EMC7: variants seen among roughly 807,000 people sequenced by gnomAD.
EMC7 encodes the protein endoplasmic reticulum membrane protein complex subunit 7.
In EMC7, 4 loss-of-function variants were observed where a neutral mutation model predicts 24.4. The observed-to-expected ratio is 0.16, with a 90% CI of 0.08 to 0.38. The LOEUF is 0.38. Ranked by LOEUF, EMC7 falls within the 10% of genes least tolerant of loss-of-function variation. EMC7 has a pLI of 1.00. For synonymous variants in EMC7, 106 were observed against 112.0 expected (o/e 0.95, Z 0.34); for missense variants, 221 against 300.6 (o/e 0.74, Z 1.96).
At position 34,095,914 on chromosome 15, in the gene EMC7, T is replaced by C. The variant is rs761555162; in HGVS notation, c.337A>G (p.Thr113Ala). 1.9e-6 allele frequency: 3 copies of C among 1,607,954 alleles called. No homozygotes were observed. Among genetic ancestry groups the C allele is most frequent in the Non-Finnish European group, 2.6e-6 (3 of 1,175,622 alleles). Reference sequence around the variant, plus strand: ...CCTCACCTCATTTTTCCTTTCGAAGTGATATCCACTCGAACGGGATCAAAT... The same window carrying C: ...CCTCACCTCATTTTTCCTTTCGAAGCGATATCCACTCGAACGGGATCAAAT... The part of the protein sequence containing the change: ...YRFDPVRVDI[T>A]SKGKMRARYV... The change falls in exon 2 of 5, where the codon ACT (threonine) becomes GCT (alanine). Residue 113 changes from threonine to alanine, a missense_variant. This residue lies in a region of EMC7 where 156 missense variants were observed against 177.1 expected (regional missense o/e 0.88). Coordinates refer to ENST00000256545, the MANE Select transcript of EMC7 (RefSeq NM_020154.3).
chr15:34,093,268 C>A (rs898231438), intron 2 of EMC7, among the ~76,000 whole-genome samples: 1 of 151,896 alleles, frequency 6.6e-6, no homozygotes, highest in African/African-American at 2.4e-5. Context: ...TGAGACCCTG[C>A]CTCTATTAAA....
At position 34,084,121 on chromosome 15, in the gene EMC7, C is replaced by T; in HGVS notation, c.*213G>A. ...TAGGACACTGTAATTAATTCAGTGA[C>T]ATCAATATTGACCTCATACAGACAA... On this transcript the variant is annotated 3_prime_UTR_variant, in exon 5 of 5. Coordinates refer to ENST00000256545, the MANE Select transcript of EMC7 (RefSeq NM_020154.3). The T allele has an allele frequency of 2.1e-6, 1 of 478,712 alleles. No homozygotes were observed. Among genetic ancestry groups the T allele is most frequent in the South Asian group, 4.5e-5 (1 of 22,144 alleles). 29.7% of individuals were successfully genotyped at this position (478,712 alleles called of 1,614,324 possible). A position where few individuals can be genotyped will look rare whatever the true frequency, so the allele number is the denominator to read the frequency against.
chr15:34,096,012 G>A lies in EMC7; in HGVS notation c.239C>T (p.Thr80Ile), dbSNP rs1329007962. Residue 80 changes from threonine (T) to isoleucine (I), a missense_variant and splice_region_variant, in exon 2 of 5, where the codon ACA (threonine) becomes ATA (isoleucine). Around this residue, in one of 2 missense-constraint regions of EMC7, gnomAD observed 156 missense variants for 177.1 expected, o/e 0.88. Coordinates refer to ENST00000256545, the MANE Select transcript of EMC7 (RefSeq NM_020154.3). ...ATCATGAACCACAAAACTCCCATCT[G>A]TCCTGGAAAAATGAAAATCATGTTT... ...DGEEHVGFLK[T>I]DGSFVVHDIP... is the part of the protein sequence containing the mutation. The A allele has an allele frequency of 1.3e-6, 2 of 1,552,018 alleles. No individual in the cohort carries two copies. Among genetic ancestry groups the A allele is most frequent in the African/African-American group, 1.4e-5 (1 of 74,052 alleles).
At chr15:34,094,077 T>C (rs181299446) in intron 2 of EMC7, among the ~76,000 whole-genome samples, 1 of 151,830 alleles carries the variant, frequency 6.6e-6, no homozygotes, top group Admixed American at 6.6e-5. Flanking sequence ...AATATATTAG[T>C]GGCATTAGAG....
At chr15:34,085,505 T>TA (rs1458381766) in intron 4 of EMC7, among the ~76,000 whole-genome samples, 1 of 152,052 alleles carries the variant, frequency 6.6e-6, no homozygotes, top group African/African-American at 2.4e-5. Flanking sequence ...TTTCTTTTTT[T>TA]TTTTAGGAGA....
chr15:34,089,674 T>TTATTA (rs1900948201), intron 3 of EMC7, among the ~76,000 whole-genome samples: 1 of 152,156 alleles, frequency 6.6e-6, no homozygotes, highest in South Asian at 2.1e-4. Flanking sequence ...GCAGGCAGTA[T>TTATTA]GGCTGGGTGC....
At chr15:34,093,611 T>C (rs188993230) in intron 2 of EMC7, among the ~76,000 whole-genome samples, 1 of 150,854 alleles carries the variant, frequency 6.6e-6, no homozygotes, top group African/African-American at 2.4e-5. Flanking sequence ...CCGTCCAATA[T>C]TGTGTTTTCA....
chr15:34,088,201 T>C, intron 3 of EMC7, 68 bp from the exon 4 acceptor site: 4 of 1,297,330 alleles, frequency 3.1e-6, no homozygotes, highest in Non-Finnish European at 4.3e-6. Flanking sequence ...AAAACTGCAC[T>C]TAACAACCAA....
At chr15:34,097,954 T>C (rs1047187613) in intron 1 of EMC7, among the ~76,000 whole-genome samples, 1 of 138,904 alleles carries the variant, frequency 7.2e-6, no homozygotes, top group East Asian at 2.0e-4. Context: ...GGGTGACAGA[T>C]CGAGACTCCG....
intron 2 of EMC7, 73 bp from the exon 3 acceptor site, chr15:34,090,528 T>G: frequency 6.9e-7 from 1 of 1,457,414 alleles, no homozygotes; most frequent in Non-Finnish European, 9.3e-7. Context: ...CTGCTTATAT[T>G]ATATTAGCAA....
chr15:34,092,282 C>CACACACACAT (rs1477735457), intron 2 of EMC7, among the ~76,000 whole-genome samples: 1 of 151,804 alleles, frequency 6.6e-6, no homozygotes, highest in African/African-American at 2.4e-5. Context: ...CACACACACA[C>CACACACACAT]ACACACACAC....
At chr15:34,096,264 G>C (rs566217846) in intron 1 of EMC7, among the ~76,000 whole-genome samples, 43 of 152,334 alleles carry the variant, frequency 2.8e-4, no homozygotes, top group African/African-American at 9.9e-4. Flanking sequence ...TCCGCCTCCT[G>C]GGTTCGAGCG....
At chr15:34,099,764 C>G (rs886636802) in intron 1 of EMC7, among the ~76,000 whole-genome samples, 1 of 152,056 alleles carries the variant, frequency 6.6e-6, no homozygotes, top group Admixed American at 6.6e-5. Flanking sequence ...CACCACCACT[C>G]CTGGCTAATT....
At chr15:34,088,257 A>G in intron 3 of EMC7, 124 bp from the exon 4 acceptor site, 1 of 760,908 alleles carries the variant, frequency 1.3e-6, no homozygotes, top group Non-Finnish European at 2.1e-6. Context: ...TAACACTAGT[A>G]GCAACCACCG....
At chr15:34,100,701 A>C (rs1445241086) in intron 1 of EMC7, 5 of 152,216 alleles carry the variant, frequency 3.3e-5, no homozygotes, top group Non-Finnish European at 7.3e-5. Flanking sequence ...TCTACATTTA[A>C]GTTGTCTGAT....
chr15:34,089,870 C>T lies in EMC7; in HGVS notation c.495+447G>A, dbSNP rs192111217. 8.1e-3 allele frequency among the ~76,000 whole-genome samples: 1,239 copies of T among 152,252 alleles called. 14 individuals carry two copies. Among genetic ancestry groups the T allele is most frequent in the African/African-American group, 0.029 (1,191 of 41,538 alleles). On this transcript the variant is annotated intron_variant, in intron 3 of 4. Coordinates refer to ENST00000256545, the MANE Select transcript of EMC7 (RefSeq NM_020154.3). ...ACTTGGGAGGCTGAGGCATGAGAAT[C>T]GCTTGAACCTGGGAGGCAGAGGTTG...
intron 4 of EMC7, chr15:34,086,115 T>A: frequency 2.7e-6 from 1 of 365,388 alleles, no homozygotes; most frequent in Non-Finnish European, 5.2e-6. Flanking sequence ...TAGTAAGTAC[T>A]TTGTTTCTTT....
intron 2 of EMC7, among the ~76,000 whole-genome samples, chr15:34,093,782 T>TACACACACACACACAC (rs143551689): frequency 0.12 from 2,786 of 23,314 alleles, 387 homozygotes; most frequent in East Asian, 0.35. Flanking sequence ...CATATATGTA[T>TACACACACACACACAC]ACACACACAC....
rs781778397 is a variant in EMC7, at chr15:34,090,368, G to A, written c.444C>T (p.Tyr148=). 3 of 1,614,044 alleles carry A rather than the reference G, an allele frequency of 1.9e-6. No homozygotes were observed. Among genetic ancestry groups the A allele is most frequent in the Non-Finnish European group, 2.5e-6 (3 of 1,179,984 alleles). The change falls in exon 3 of 5, where the codon TAC becomes TAT. Residue 148 remains tyrosine, a synonymous_variant. Transcript: ENST00000256545. ...LQMKSSGPPS[Y]FIKRESWGWT... ...AGCCCCACGATTCCCTTTTAATAAA[G>A]TAAGAAGGTGGACCTGAAGATTTCA...
Sources: gnomAD v4.1 joint callset for allele counts (sites outside exome capture counted in the v4.1 genomes callset) on GRCh38, gnomAD v4.1.1 for gene constraint, gnomAD v4.1.1 regional missense constraint, MANE v1.5 for transcripts, NCBI Gene and HGNC (gene_info 2026-07-23, HGNC 2026-07-21) for gene names.